The following NLGN1 variants were observed in gnomAD, a reference collection of about 807,000 sequenced individuals.
NLGN1 encodes neuroligin 1, also known as neuroligin-1.
In NLGN1, 12 loss-of-function variants were observed where a neutral mutation model predicts 65.5. The ratio of observed to expected loss-of-function variants is 0.18; its 90% CI spans 0.12 to 0.30. NLGN1 has a LOEUF of 0.30. NLGN1 is among the 10% of genes least tolerant of loss of function. The probability of loss-of-function intolerance (pLI) is 1.00; values close to 1 mark genes in which losing one functional copy is unlikely to be tolerated. For missense variants in NLGN1, 750 were observed against 1,007.1 expected, an observed-to-expected ratio of 0.74 and a Z score of 3.46; for synonymous variants, 350 against 359.5, an observed-to-expected ratio of 0.97 and a Z score of 0.30.
intron 3 of NLGN1, among the ~76,000 whole-genome samples, chr3:173,684,072 A>G (rs1334403860): frequency 6.6e-6 from 1 of 152,180 alleles, no homozygotes; most frequent in Admixed American, 6.5e-5. Flanking sequence ...GTATATTGTT[A>G]TTATTACTTA....
intron 4 of NLGN1, among the ~76,000 whole-genome samples, chr3:173,995,048 A>G (rs1305808205): frequency 6.6e-6 from 1 of 152,190 alleles, no homozygotes; most frequent in South Asian, 2.1e-4. Context: ...TGTACCAAAG[A>G]ATTCATTTTT....
chr3:173,763,285 C>T (rs1027333482), intron 3 of NLGN1, among the ~76,000 whole-genome samples: 4 of 151,906 alleles, frequency 2.6e-5, no homozygotes, highest in Admixed American at 2.0e-4. Flanking sequence ...TTTGTCCTAA[C>T]CCCCACTAGA....
At chr3:173,913,155 C>T (rs1317192754) in intron 4 of NLGN1, among the ~76,000 whole-genome samples, 1 of 152,132 alleles carries the variant, frequency 6.6e-6, no homozygotes, top group Non-Finnish European at 1.5e-5. Context: ...CTGACCAGTA[C>T]TGCCTCAAGG....
At chr3:173,951,826 A>G (rs1038829804) in intron 4 of NLGN1, among the ~76,000 whole-genome samples, 14 of 152,092 alleles carry the variant, frequency 9.2e-5, no homozygotes, top group Non-Finnish European at 1.9e-4. Context: ...CAAATAGTAA[A>G]ATCAACATTT....
chr3:173,611,997 C>T (rs921827551), intron 3 of NLGN1, among the ~76,000 whole-genome samples: 1 of 151,804 alleles, frequency 6.6e-6, no homozygotes, highest in African/African-American at 2.4e-5. Context: ...AATTAGAATG[C>T]AATGGTTTTT....
At chr3:173,950,002 G>A (rs952408697) in intron 4 of NLGN1, among the ~76,000 whole-genome samples, 3 of 152,082 alleles carry the variant, frequency 2.0e-5, no homozygotes, top group African/African-American at 7.2e-5. Context: ...TAGTTCTGTG[G>A]TTACTGTGAC....
At chr3:173,509,554 A>G (rs1358842815) in intron 2 of NLGN1, among the ~76,000 whole-genome samples, 2 of 152,162 alleles carry the variant, frequency 1.3e-5, no homozygotes, top group African/African-American at 4.8e-5. Context: ...TTGAAGCTCC[A>G]ATGAGCCATA....
the NLGN1 span, among the ~76,000 whole-genome samples, chr3:174,291,761 CT>C: frequency 6.6e-6 from 1 of 151,028 alleles, no homozygotes; most frequent in African/African-American, 2.4e-5. Context: ...AGAAAAAGAC[CT>C]GTAGACAAAC....
intron 2 of NLGN1, among the ~76,000 whole-genome samples, chr3:173,471,925 A>G (rs1165958513): frequency 1.3e-5 from 2 of 152,176 alleles, no homozygotes; most frequent in African/African-American, 4.8e-5. Context: ...CAGGTTTGCA[A>G]ATTTTAGCAG....
At chr3:174,028,655 A>G (rs185187453) in intron 4 of NLGN1, among the ~76,000 whole-genome samples, 2 of 152,372 alleles carry the variant, frequency 1.3e-5, no homozygotes, top group African/African-American at 4.8e-5. Context: ...AGCGTATAAA[A>G]GTTGGGAACA....
intron 3 of NLGN1, among the ~76,000 whole-genome samples, chr3:173,734,431 C>G (rs1387958436): frequency 8.6e-6 from 1 of 116,940 alleles, no homozygotes; most frequent in Non-Finnish European, 1.6e-5. Context: ...GGGTTTCACC[C>G]TGTGGCCCAG....
chr3:174,026,104 T>A (rs974381457), intron 4 of NLGN1, among the ~76,000 whole-genome samples: 1 of 152,114 alleles, frequency 6.6e-6, no homozygotes, highest in Non-Finnish European at 1.5e-5. Flanking sequence ...AAAAAATTAA[T>A]GTAGATGATT....
At chr3:173,867,430 T>C (rs953282013) in intron 4 of NLGN1, among the ~76,000 whole-genome samples, 1 of 152,162 alleles carries the variant, frequency 6.6e-6, no homozygotes, top group Admixed American at 6.5e-5. Context: ...GTGTTACTTA[T>C]AATACGGTTC....
At chr3:173,617,874 C>T (rs1228215831) in intron 3 of NLGN1, among the ~76,000 whole-genome samples, 1 of 152,078 alleles carries the variant, frequency 6.6e-6, no homozygotes, top group Non-Finnish European at 1.5e-5. Context: ...TCTTTTTCTT[C>T]TTATTCAACC....
intron 4 of NLGN1, among the ~76,000 whole-genome samples, chr3:174,098,320 G>A (rs2152571238): frequency 6.6e-6 from 1 of 152,038 alleles, no homozygotes; most frequent in South Asian, 2.1e-4. Context: ...TGTAAAATGT[G>A]TTCTTACAAC....
intron 3 of NLGN1, among the ~76,000 whole-genome samples, chr3:173,664,238 T>C (rs1761386372): frequency 6.6e-6 from 1 of 152,038 alleles, no homozygotes; most frequent in African/African-American, 2.4e-5. Flanking sequence ...ATCAGTACAT[T>C]TTAAGGGCTA....
upstream of NLGN1, chr3:173,397,772 G>C (rs1421861091): frequency 6.6e-6 from 1 of 152,202 alleles, no homozygotes. Context: ...GGATCAGGCG[G>C]CGGCGCGGAG....
chr3:173,559,918 A>G (rs1742385021), intron 2 of NLGN1, among the ~76,000 whole-genome samples: 1 of 151,214 alleles, frequency 6.6e-6, no homozygotes, highest in South Asian at 2.1e-4. Context: ...GACTTCAGTG[A>G]TAATGTTACT....
chr3:173,645,423 C>T (rs1194402111), intron 3 of NLGN1, among the ~76,000 whole-genome samples: 2 of 152,306 alleles, frequency 1.3e-5, no homozygotes, highest in African/African-American at 4.8e-5. Flanking sequence ...CTCCACTATT[C>T]CCACTTTATC....
Sources: allele counts gnomAD v4.1 joint callset (sites outside exome capture counted in the v4.1 genomes callset), GRCh38; gene constraint gnomAD v4.1.1; transcripts MANE v1.5; gene names NCBI Gene and HGNC (gene_info 2026-07-23, HGNC 2026-07-21).